KDM3A: variants seen among roughly 807,000 people sequenced by gnomAD.
KDM3A encodes lysine demethylase 3A.
KDM3A carries 60 observed loss-of-function variants against 158.0 expected under a neutral mutation model. The ratio of observed to expected loss-of-function variants is 0.38; its 90% CI spans 0.31 to 0.47. The LOEUF is 0.47. Ranked by LOEUF, KDM3A falls within the 20% of genes least tolerant of loss-of-function variation. KDM3A has a pLI of 0.99. For synonymous variants in KDM3A, 608 were observed against 549.3 expected, an observed-to-expected ratio of 1.11 and a Z score of -1.49; for missense variants, 1,319 against 1,574.3, an observed-to-expected ratio of 0.84 and a Z score of 2.74.
chr2:86,442,465 G>A (rs919574145), intron 2 of KDM3A: 1 of 460,238 alleles, frequency 2.2e-6, no homozygotes, highest in Non-Finnish European at 3.9e-6. Context: ...GGGTTGTTCA[G>A]ACACGCTTCA....
chr2:86,478,295 C>T (rs1490123520), intron 14 of KDM3A, 30 bp downstream of exon 14: 1 of 1,518,766 alleles, frequency 6.6e-7, no homozygotes, highest in Non-Finnish European at 9.1e-7. Context: ...GATTTTCTTT[C>T]CCCTTGTCTT....
At chr2:86,441,935 CCTCCGCCCGCCCTCCCTGCTGT>C in intron 1 of KDM3A, 61 bp from the exon 2 acceptor site, 5 of 1,145,904 alleles carry the variant, frequency 4.4e-6, no homozygotes, top group Non-Finnish European at 4.9e-6. Flanking sequence ...GGTTCGGCGC[CCTCCGCCCGCCCTCCCTGCTGT>C]CTCCGCCCGG....
chr2:86,439,338 A>G (rs6547690), upstream of KDM3A, among the ~76,000 whole-genome samples: 4 of 151,416 alleles, frequency 2.6e-5, no homozygotes, highest in Non-Finnish European at 4.4e-5. Flanking sequence ...ACCTAAAAAA[A>G]ATGCTGCTGG....
intron 21 of KDM3A, chr2:86,487,914 C>T (rs1209110719): frequency 1.7e-5 from 2 of 121,104 alleles, no homozygotes; most frequent in South Asian, 2.2e-4. Context: ...CACTGTGGCA[C>T]TGGCTGGATC....
chr2:86,489,186 AT>A, intron 21 of KDM3A, 131 bp from the exon 22 acceptor site: 1 of 1,078,532 alleles, frequency 9.3e-7, no homozygotes, highest in Non-Finnish European at 1.3e-6. Flanking sequence ...TTTTTTTGCA[AT>A]AATTTGATCC....
chr2:86,449,359 G>A (rs1683069759), intron 2 of KDM3A, among the ~76,000 whole-genome samples: 1 of 152,158 alleles, frequency 6.6e-6, no homozygotes, highest in Non-Finnish European at 1.5e-5. Flanking sequence ...TCAAAAGGAG[G>A]TGGTGGATTG....
intron 25 of KDM3A, chr2:86,491,490 C>T: frequency 1.8e-6 from 1 of 554,378 alleles, no homozygotes; most frequent in Non-Finnish European, 3.2e-6. Context: ...TGTTTAGAAT[C>T]TATAAGGGAC....
chr2:86,491,332 A>G (rs1674446542), intron 25 of KDM3A, 57 bp downstream of exon 25: 1 of 1,536,472 alleles, frequency 6.5e-7, no homozygotes, highest in South Asian at 1.1e-5. Flanking sequence ...TTCATGGCCC[A>G]TTCTTCACCT....
At chr2:86,482,996 G>A (rs2104702319) in intron 18 of KDM3A, 1 of 365,300 alleles carries the variant, frequency 2.7e-6, no homozygotes, top group Non-Finnish European at 5.1e-6. Context: ...AGGAAGTGAG[G>A]GTGTGACTAC....
At chr2:86,487,102 A>G (rs886224529) in intron 21 of KDM3A, 1 of 152,202 alleles carries the variant, frequency 6.6e-6, no homozygotes, top group South Asian at 2.1e-4. Flanking sequence ...TTAAGTATAT[A>G]AGAGCATTTT....
intron 2 of KDM3A, among the ~76,000 whole-genome samples, chr2:86,444,720 C>T (rs1682885160): frequency 1.3e-5 from 2 of 152,082 alleles, no homozygotes; most frequent in African/African-American, 4.8e-5. Context: ...AATATGTAAC[C>T]ATTCTTCTAT....
At chr2:86,442,403 G>A in intron 2 of KDM3A, 170 bp downstream of exon 2, 1 of 650,818 alleles carries the variant, frequency 1.5e-6, no homozygotes, top group Non-Finnish European at 2.6e-6. Context: ...GTATAGAGCC[G>A]AGTTGTGTTT....
intron 18 of KDM3A, chr2:86,483,156 G>A (rs1674021425): frequency 6.4e-6 from 1 of 157,200 alleles, no homozygotes; most frequent in African/African-American, 2.4e-5. Context: ...TCAAAGGGCA[G>A]TGTTGTTGGA....
In KDM3A at chr2:86,477,960, G is replaced by T; in HGVS notation, c.2023G>T (p.Val675Leu). The T allele has an allele frequency of 6.2e-7, 1 of 1,614,148 alleles. No homozygotes were observed. Among genetic ancestry groups the T allele is most frequent in the Non-Finnish European group, 8.5e-7 (1 of 1,180,018 alleles). ...CACCACCATCTTCAACCTGCACTGG[G>T]TGTGTCCTCGGTGTGGGTTTGGAGT... The part of the protein sequence containing the change: ...CDTTIFNLHW[V>L]CPRCGFGVCV... The change falls in exon 13 of 26, where the codon GTG (valine) becomes TTG (leucine). Residue 675 changes from valine (V) to leucine (L), a missense_variant. By Grantham distance (32) the Val-to-Leu change is conservative. Coordinates refer to ENST00000312912, the MANE Select transcript of KDM3A (RefSeq NM_018433.6).
At chr2:86,456,760 G>T in intron 6 of KDM3A, 45 bp from the exon 7 acceptor site, 1 of 1,493,652 alleles carries the variant, frequency 6.7e-7, no homozygotes, top group Non-Finnish European at 9.3e-7. Flanking sequence ...GTATGTTCTT[G>T]AGCATTTTTT....
rs1017190061 is a variant in KDM3A, at chr2:86,466,840, T to C, written c.1476T>C (p.Asp492=). 1 of 1,610,310 alleles carries C rather than the reference T, an allele frequency of 6.2e-7. No homozygotes were observed. Among genetic ancestry groups the C allele is most frequent in the Admixed American group, 1.7e-5 (1 of 59,214 alleles). Residue 492 remains aspartate, a synonymous_variant, in exon 10 of 26, where the codon GAT becomes GAC. Transcript: ENST00000312912. ...TAAAGGAATCTTCAGTAAAAGTAGA[T>C]AATGAAAGCTGTTGTTCAAGAAGCA... ...QNLKESSVKV[D]NESCCSRSNN...
chr2:86,463,674 A>G (rs1052343550), intron 8 of KDM3A, among the ~76,000 whole-genome samples: 2 of 152,244 alleles, frequency 1.3e-5, no homozygotes, highest in Non-Finnish European at 2.9e-5. Context: ...CGTGGTGGGC[A>G]CTCAAGTCAT....
chr2:86,442,213 G>A lies in KDM3A; in HGVS notation c.166G>A (p.Val56Ile). The change falls in exon 2 of 26, where the codon GTT becomes ATT. Residue 56 changes from valine to isoleucine, a missense_variant. This residue lies in a region of KDM3A where 652 missense variants were observed against 627.2 expected (regional missense o/e 1.04). Coordinates refer to ENST00000312912, the MANE Select transcript of KDM3A (RefSeq NM_018433.6). ...GTIRAVSHTD[V>I]TKKDLKVCVE... ...CATTCGAGCTGTTTCCCACACCGAC[G>A]TTACCAAGAAGGATCTGAAGGTACA... 6.2e-7 allele frequency: 1 copy of A among 1,611,234 alleles called. No individual in the cohort carries two copies. The highest frequency in any genetic ancestry group is 8.5e-7 in the Non-Finnish European group (1 of 1,178,436).
At chr2:86,442,905 A>AT (rs1682796454) in intron 2 of KDM3A, among the ~76,000 whole-genome samples, 1 of 152,110 alleles carries the variant, frequency 6.6e-6, no homozygotes, top group African/African-American at 2.4e-5. Flanking sequence ...ACTTGGACGC[A>AT]TGAGGGGAGG....
Sources: gnomAD v4.1 joint callset for allele counts (sites outside exome capture counted in the v4.1 genomes callset) on GRCh38, gnomAD v4.1.1 for gene constraint, gnomAD v4.1.1 regional missense constraint, MANE v1.5 for transcripts, NCBI Gene and HGNC (gene_info 2026-07-23, HGNC 2026-07-21) for gene names.